The following AGAP1 variants were observed in gnomAD, a reference collection of about 807,000 sequenced individuals.
AGAP1 encodes the protein ArfGAP with GTPase domain, ankyrin repeat and PH domain 1, also known as arf-GAP with GTPase, ANK repeat and PH domain-containing protein 1.
AGAP1 carries 29 observed loss-of-function variants against 105.3 expected under a neutral mutation model. That is an observed-to-expected ratio of 0.28 (90% CI 0.21 to 0.38). The LOEUF (loss-of-function observed/expected upper bound fraction) is 0.38. AGAP1 is among the 10% of genes least tolerant of loss of function. AGAP1 has a pLI of 1.00. For missense variants in AGAP1, 998 were observed against 1,165.1 expected (o/e 0.86, Z 2.09); for synonymous variants, 509 against 485.9 (o/e 1.05, Z -0.63).
chr2:235,803,049 G>C (rs1957637316), intron 8 of AGAP1, among the ~76,000 whole-genome samples: 1 of 3,292 alleles, frequency 3.0e-4, no homozygotes, highest in African/African-American at 5.8e-4. Context: ...GATGATGGTT[G>C]TGGTGATGGT....
rs994537207 is a variant in AGAP1, at chr2:236,038,950, G to A, written c.1801-1801G>A. On this transcript the variant is annotated intron_variant, in intron 14 of 17. Coordinates refer to ENST00000304032, the MANE Select transcript of AGAP1 (RefSeq NM_001037131.3). This position sits in a 1 kb window ranked among gnomAD's most constrained non-coding sequence, Gnocchi z 4.5. ...GAATTAAAATTCAATAACGCATGAT[G>A]CTAATTAGACAGTAGTGATTAATAC... Among the ~76,000 whole-genome samples the A allele has an allele frequency of 6.6e-6, 1 of 152,044 alleles. No individual in the cohort carries two copies. Among genetic ancestry groups the A allele is most frequent in the Admixed American group, 6.5e-5 (1 of 15,272 alleles).
intron 5 of AGAP1, among the ~76,000 whole-genome samples, chr2:235,748,422 TA>T (rs552360699): frequency 2.7e-4 from 41 of 149,572 alleles, no homozygotes; most frequent in African/African-American, 6.1e-4. Context: ...TGTTTATACT[TA>T]AAAAAAAAAC....
At chr2:235,686,658 TATATA>T (rs1195837265) in intron 1 of AGAP1, among the ~76,000 whole-genome samples, 1,149 of 58,642 alleles carry the variant, frequency 0.02, 46 homozygotes, top group Non-Finnish European at 0.024. Context: ...TATATATATA[TATATA>T]TATTTTTTTT....
chr2:235,668,150 A>C (rs1470394472), intron 1 of AGAP1, among the ~76,000 whole-genome samples: 1 of 152,138 alleles, frequency 6.6e-6, no homozygotes, highest in African/African-American at 2.4e-5. Flanking sequence ...GGTCGAGGCC[A>C]CAGAGGGTGC....
intron 1 of AGAP1, among the ~76,000 whole-genome samples, chr2:235,672,706 C>T (rs1948501729): frequency 6.6e-6 from 1 of 152,182 alleles, no homozygotes; most frequent in Admixed American, 6.5e-5. Flanking sequence ...AATTAGCTGC[C>T]TCGGTTCCAG....
At chr2:235,648,723 A>ACT (rs2149319018) in intron 1 of AGAP1, among the ~76,000 whole-genome samples, 1 of 151,704 alleles carries the variant, frequency 6.6e-6, no homozygotes, top group Non-Finnish European at 1.5e-5. Context: ...AAAAAAAAAA[A>ACT]AAAAAAAAAA....
At chr2:236,094,684 G>C (rs1258706492) in intron 16 of AGAP1, among the ~76,000 whole-genome samples, 4 of 151,970 alleles carry the variant, frequency 2.6e-5, no homozygotes, top group African/African-American at 4.8e-5. Flanking sequence ...CACAAACGCA[G>C]ATGTTCATTT....
chr2:236,038,844 TGTGTG>T lies in AGAP1; in HGVS notation c.1801-1906_1801-1902del, dbSNP rs1196556370. 6.9e-6 allele frequency among the ~76,000 whole-genome samples: 1 copy of T among 145,950 alleles called. No individual in the cohort carries two copies. Among genetic ancestry groups the T allele is most frequent in the Non-Finnish European group, 1.5e-5 (1 of 66,568 alleles). On this transcript the variant is annotated intron_variant, in intron 14 of 17. Transcript: ENST00000304032. The surrounding 1 kb of genome is among the most constrained non-coding windows in gnomAD (Gnocchi z 4.5). ...ATGTGTGTGTGTGTGTGTGTGTGTG[TGTGTG>T]ATCACACACTTGCATTCCAGATGCC...
At chr2:235,871,892 T>C (rs1453502513) in intron 9 of AGAP1, among the ~76,000 whole-genome samples, 2 of 152,176 alleles carry the variant, frequency 1.3e-5, no homozygotes, top group Non-Finnish European at 2.9e-5. Flanking sequence ...GGAGGATTTA[T>C]TTATACAGGG....
chr2:235,699,990 C>T (rs151013108), intron 1 of AGAP1, among the ~76,000 whole-genome samples: 273 of 152,294 alleles, frequency 1.8e-3, no homozygotes, highest in African/African-American at 6.0e-3. Flanking sequence ...TTCTTCCCTG[C>T]ATCTGTGAAC....
chr2:236,007,470 G>A (rs974552976), intron 13 of AGAP1, among the ~76,000 whole-genome samples: 1 of 152,172 alleles, frequency 6.6e-6, no homozygotes, highest in Non-Finnish European at 1.5e-5. Context: ...GTGGTCCAGC[G>A]ATCACAGCCC....
At position 236,050,002 on chromosome 2, in the gene AGAP1, A is replaced by C. The variant is rs763094484; in HGVS notation, c.2114+721A>C. On this transcript the variant is annotated intron_variant, in intron 16 of 17. Transcript: ENST00000304032. This position sits in a 1 kb window ranked among gnomAD's most constrained non-coding sequence, Gnocchi z 4.0. Reference sequence around the variant, plus strand: ...TTCATCTCCGTACTTGTCTAAAGCAAGTGGCTTCCAGGGTTGCTCATTTTC... The same window carrying C: ...TTCATCTCCGTACTTGTCTAAAGCACGTGGCTTCCAGGGTTGCTCATTTTC... Among the ~76,000 whole-genome samples the C allele has an allele frequency of 7.2e-5, 11 of 152,198 alleles. No individual in the cohort carries two copies. Among genetic ancestry groups the C allele is most frequent in the Non-Finnish European group, 1.6e-4 (11 of 68,042 alleles).
chr2:235,973,256 C>T lies in AGAP1; in HGVS notation c.1645+4633C>T, dbSNP rs2054727520. On this transcript the variant is annotated intron_variant, in intron 13 of 17. Transcript: ENST00000304032. The surrounding 1 kb of genome is among the most constrained non-coding windows in gnomAD (Gnocchi z 4.7). ...GCACCAGATGGCAGAGGGTGTCAGACCCCAGCCCAGGGAGAGCATTTATTT... is the reference window on the plus strand; with the variant it reads ...GCACCAGATGGCAGAGGGTGTCAGATCCCAGCCCAGGGAGAGCATTTATTT... Among the ~76,000 whole-genome samples, 5 of 151,832 alleles carry T rather than the reference C, an allele frequency of 3.3e-5. No homozygotes were observed. Among genetic ancestry groups the T allele is most frequent in the Admixed American group, 3.3e-4 (5 of 15,252 alleles).
rs1951336463 is a variant in AGAP1 at position 235,720,670 on chromosome 2, G to A, written c.310+3026G>A. 1 of 985,286 alleles carries A rather than the reference G, an allele frequency of 1.0e-6. No individual in the cohort carries two copies. Among genetic ancestry groups the A allele is most frequent in the South Asian group, 4.7e-5 (1 of 21,286 alleles). The allele number at this position is 985,286 out of a possible 1,614,324, so 61.0% of individuals were successfully genotyped here. A position where few individuals can be genotyped will look rare whatever the true frequency, so the allele number is the denominator to read the frequency against. ...CCAGATAGTTCCTTGGATTCTCCCT[G>A]CGCTTCTTAATGTCTGTGCCCTGTT... On this transcript the variant is annotated intron_variant, in intron 3 of 17. Coordinates refer to ENST00000304032, the MANE Select transcript of AGAP1 (RefSeq NM_001037131.3). This position sits in a 1 kb window ranked among gnomAD's most constrained non-coding sequence, Gnocchi z 5.0.
Position 236,087,069 on chromosome 2 carries a change from G to A in AGAP1, c.2115-33123G>A, listed in dbSNP as rs1196729920. 6.6e-6 allele frequency among the ~76,000 whole-genome samples: 1 copy of A among 152,118 alleles called. No individual in the cohort carries two copies. Among genetic ancestry groups the A allele is most frequent in the Non-Finnish European group, 1.5e-5 (1 of 68,028 alleles). ...TCATGAGTAAATGAAGGAAACAAAG[G>A]CCTCGCAGCAGGAGCAGAAGGGACA... On this transcript the variant is annotated intron_variant, in intron 16 of 17. Coordinates refer to ENST00000304032, the MANE Select transcript of AGAP1 (RefSeq NM_001037131.3). The surrounding 1 kb of genome is among the most constrained non-coding windows in gnomAD (Gnocchi z 5.7).
chr2:236,025,886 A>C (rs2057033524), intron 13 of AGAP1, among the ~76,000 whole-genome samples: 1 of 40,356 alleles, frequency 2.5e-5, no homozygotes, highest in African/African-American at 2.4e-4. Flanking sequence ...TGAGCGACAG[A>C]GGGAGACTCC....
In AGAP1 at chr2:235,686,652, TATATATA is replaced by T. The variant is rs1949447572; in HGVS notation, c.164-22526_164-22520del. 3.4e-4 allele frequency among the ~76,000 whole-genome samples: 19 copies of T among 56,198 alleles called. 1 individual carries two copies. The highest frequency in any genetic ancestry group is 1.3e-3 in the African/African-American group (12 of 9,208). The allele number at this position is 56,198 out of a possible 152,430, so 36.9% of individuals were successfully genotyped here. A position where few individuals can be genotyped will look rare whatever the true frequency, so the allele number is the denominator to read the frequency against. ...ATATATATATATATATATAGATATA[TATATATA>T]TATATATTTTTTTTTTTTTTTAGAC... On this transcript the variant is annotated intron_variant, in intron 1 of 17. Transcript: ENST00000304032.
At chr2:235,532,758 T>C (rs922715525) in intron 1 of AGAP1, among the ~76,000 whole-genome samples, 10 of 152,204 alleles carry the variant, frequency 6.6e-5, no homozygotes, top group African/African-American at 2.2e-4. Context: ...CAAGAGCTCC[T>C]ACCTGCCTCA....
intron 1 of AGAP1, among the ~76,000 whole-genome samples, chr2:235,541,884 T>A (rs541450395): frequency 6.6e-6 from 1 of 152,240 alleles, no homozygotes; most frequent in African/African-American, 2.4e-5. Flanking sequence ...TGAGTCATGA[T>A]AATGCACGTC....
Sources: allele counts gnomAD v4.1 joint callset (sites outside exome capture counted in the v4.1 genomes callset), GRCh38; gene constraint gnomAD v4.1.1; non-coding constraint Gnocchi (gnomAD v3.1); transcripts MANE v1.5; gene names NCBI Gene and HGNC (gene_info 2026-07-23, HGNC 2026-07-21).